Variants in PACRG observed in about 807,000 individuals in gnomAD.
The protein encoded by PACRG is parkin coregulated gene protein.
PACRG carries 29 observed loss-of-function variants against 29.7 expected under a neutral mutation model. The observed-to-expected ratio is 0.98, with a 90% CI of 0.73 to 1.33. The LOEUF is 1.33. Among genes scored for constraint, PACRG ranks in the 40% most tolerant of loss-of-function variants. The probability of loss-of-function intolerance (pLI) is 0.00; values close to 1 mark genes in which losing one functional copy is unlikely to be tolerated. For synonymous variants in PACRG, 116 were observed against 118.7 expected (o/e 0.98, Z 0.15); for missense variants, 279 against 316.2 (o/e 0.88, Z 0.89).
chr6:163,116,814 T>C (rs1295447896), intron 4 of PACRG, among the ~76,000 whole-genome samples: 1 of 152,104 alleles, frequency 6.6e-6, no homozygotes, highest in Non-Finnish European at 1.5e-5. Flanking sequence ...GATTCAAAAA[T>C]GACTGAGAAG....
intron 2 of PACRG, among the ~76,000 whole-genome samples, chr6:162,931,322 T>C (rs1797836648): frequency 6.6e-6 from 1 of 151,888 alleles, no homozygotes; most frequent in South Asian, 2.1e-4. Flanking sequence ...TTTTAAAATG[T>C]TTACGAGGTC....
In PACRG at chr6:162,777,241, G is replaced by A. The variant is rs1290644236; in HGVS notation, c.157-36906G>A. Among the ~76,000 whole-genome samples the A allele has an allele frequency of 2.0e-5, 3 of 152,168 alleles. No individual in the cohort carries two copies. The highest frequency in any genetic ancestry group is 2.1e-4 in the South Asian group (1 of 4,832). ...GGCTCCCTCGTGCCGGCTGTGTGAC[G>A]TTGTTTTTCTCCACTTCGGGACATG... On this transcript the variant is annotated intron_variant, in intron 1 of 4. Transcript: ENST00000366888. The surrounding 1 kb of genome is among the most constrained non-coding windows in gnomAD (Gnocchi z 4.0).
intron 2 of PACRG, among the ~76,000 whole-genome samples, chr6:163,035,195 T>G (rs1808049203): frequency 6.6e-6 from 1 of 152,188 alleles, no homozygotes; most frequent in Admixed American, 6.5e-5. Flanking sequence ...TGTGTTGACC[T>G]TCTATCTCAT....
intron 4 of PACRG, among the ~76,000 whole-genome samples, chr6:163,291,040 T>A (rs1285981231): frequency 6.6e-6 from 1 of 152,226 alleles, no homozygotes; most frequent in Non-Finnish European, 1.5e-5. Flanking sequence ...TTACCTCAAA[T>A]GCCGGTGTTC....
chr6:162,858,069 T>C (rs113944348), intron 2 of PACRG, among the ~76,000 whole-genome samples: 1,975 of 152,380 alleles, frequency 0.013, 45 homozygotes, highest in African/African-American at 0.045. Flanking sequence ...AACTCTTGAA[T>C]ATTCGGTGAA....
chr6:162,769,315 A>T (rs1209525822), intron 1 of PACRG, among the ~76,000 whole-genome samples: 1 of 138,602 alleles, frequency 7.2e-6, no homozygotes, highest in African/African-American at 2.5e-5. Context: ...GGGAGTTTCG[A>T]GGTGGTTTTT....
chr6:162,890,237 C>T (rs77920203), intron 2 of PACRG, among the ~76,000 whole-genome samples: 1,915 of 151,978 alleles, frequency 0.013, 35 homozygotes, highest in African/African-American at 0.043. Flanking sequence ...CAAGTTAAAG[C>T]AAAAAAGATT....
chr6:162,819,139 G>C (rs1031073126), intron 2 of PACRG, among the ~76,000 whole-genome samples: 1 of 152,070 alleles, frequency 6.6e-6, no homozygotes, highest in Non-Finnish European at 1.5e-5. Flanking sequence ...CACCTATATT[G>C]AAATGAATAA....
chr6:163,303,323 C>T (rs1248786066), intron 4 of PACRG, among the ~76,000 whole-genome samples: 5 of 151,238 alleles, frequency 3.3e-5, no homozygotes, highest in East Asian at 1.9e-4. Flanking sequence ...GACCCTGTCT[C>T]ACAAAAAAGA....
chr6:162,823,788 C>T (rs909076397), intron 2 of PACRG, among the ~76,000 whole-genome samples: 10 of 152,152 alleles, frequency 6.6e-5, no homozygotes, highest in African/African-American at 2.4e-4. Context: ...GCTGGGATTA[C>T]AGGCCTGAAC....
intron 4 of PACRG, among the ~76,000 whole-genome samples, chr6:163,136,538 T>C (rs1394209995): frequency 6.6e-6 from 1 of 152,248 alleles, no homozygotes; most frequent in East Asian, 1.9e-4. Context: ...TAGAATTTTT[T>C]ATACTTCATT....
chr6:162,862,677 A>C (rs1414876529), intron 2 of PACRG, among the ~76,000 whole-genome samples: 1 of 152,176 alleles, frequency 6.6e-6, no homozygotes, highest in Non-Finnish European at 1.5e-5. Flanking sequence ...GTCTGCTTTC[A>C]GATACGTTTC....
At chr6:163,127,506 A>T (rs1816565751) in intron 4 of PACRG, among the ~76,000 whole-genome samples, 1 of 152,168 alleles carries the variant, frequency 6.6e-6, no homozygotes, top group African/African-American at 2.4e-5. Flanking sequence ...GGTCTGCCGC[A>T]CAAGTGTGTC....
At chr6:163,223,311 T>C (rs1781660683) in intron 4 of PACRG, among the ~76,000 whole-genome samples, 1 of 152,090 alleles carries the variant, frequency 6.6e-6, no homozygotes, top group Non-Finnish European at 1.5e-5. Flanking sequence ...GGAGAATCCC[T>C]TGAACGTGGG....
intron 1 of PACRG, among the ~76,000 whole-genome samples, chr6:162,760,219 A>ACAGGTGT (rs1782239411): frequency 7.2e-6 from 1 of 139,680 alleles, no homozygotes. Flanking sequence ...AGAAAAGGTT[A>ACAGGTGT]CAGGTGTCAG....
At chr6:162,845,415 T>G (rs1371074705) in intron 2 of PACRG, among the ~76,000 whole-genome samples, 3 of 151,742 alleles carry the variant, frequency 2.0e-5, no homozygotes, top group African/African-American at 7.3e-5. Context: ...GTGGGAAGGA[T>G]TTTCATACCT....
intron 2 of PACRG, among the ~76,000 whole-genome samples, chr6:162,913,650 C>A (rs535472831): frequency 1.3e-5 from 2 of 152,110 alleles, no homozygotes; most frequent in Non-Finnish European, 2.9e-5. Flanking sequence ...AATTTCCAAG[C>A]CTGTTATATC....
At chr6:162,985,405 A>G (rs1802802488) in intron 2 of PACRG, among the ~76,000 whole-genome samples, 1 of 152,074 alleles carries the variant, frequency 6.6e-6, no homozygotes, top group Non-Finnish European at 1.5e-5. Context: ...TTTAACGTAC[A>G]TAAGTCAGTA....
intron 2 of PACRG, among the ~76,000 whole-genome samples, chr6:162,911,724 AG>A (rs1796315657): frequency 1.3e-5 from 2 of 152,176 alleles, no homozygotes; most frequent in Admixed American, 1.3e-4. Flanking sequence ...ATTCATTCAA[AG>A]AGGGTTTATT....
Sources: gnomAD v4.1 joint callset for allele counts (sites outside exome capture counted in the v4.1 genomes callset) on GRCh38, gnomAD v4.1.1 for gene constraint, Gnocchi (gnomAD v3.1) non-coding constraint, MANE v1.5 for transcripts, NCBI Gene and HGNC (gene_info 2026-07-23, HGNC 2026-07-21) for gene names.